The following PDZRN4 variants were observed in gnomAD, a reference collection of about 807,000 sequenced individuals.
The protein encoded by PDZRN4 is PDZ domain containing ring finger 4, also known as PDZ domain-containing RING finger protein 4.
A neutral mutation model predicts 99.0 loss-of-function variants in PDZRN4; 70 were observed. That is an observed-to-expected ratio of 0.71 (90% confidence interval 0.58 to 0.86). The LOEUF (loss-of-function observed/expected upper bound fraction) is 0.86, where lower values mean the gene tolerates loss of function less well. Among genes scored for constraint, PDZRN4 ranks in the 40% least tolerant of loss-of-function variants. The probability of loss-of-function intolerance (pLI) is 0.00; values close to 1 mark genes in which losing one functional copy is unlikely to be tolerated. For missense variants in PDZRN4, 1,474 were observed against 1,331.2 expected (o/e 1.11, Z -1.67); for synonymous variants, 551 against 501.6 (o/e 1.10, Z -1.32).
chr12:41,285,837 A>T (rs1951418747), intron 3 of PDZRN4, among the ~76,000 whole-genome samples: 1 of 149,844 alleles, frequency 6.7e-6, no homozygotes, highest in African/African-American at 2.5e-5. Flanking sequence ...AACATCACAC[A>T]GTGGGGCCTG....
chr12:41,260,077 T>G (rs1413569557), intron 3 of PDZRN4, among the ~76,000 whole-genome samples: 1 of 152,194 alleles, frequency 6.6e-6, no homozygotes, highest in African/African-American at 2.4e-5. Context: ...ATGAAAATAA[T>G]CTAATGCATT....
chr12:41,351,135 A>C (rs10880056), intron 3 of PDZRN4, among the ~76,000 whole-genome samples: 54,653 of 152,014 alleles, frequency 0.36, 9,923 homozygotes, highest in Non-Finnish European at 0.39. Flanking sequence ...TGAGTTTTAC[A>C]TACAGAAATC....
At chr12:41,215,211 T>A (rs960112757) in intron 3 of PDZRN4, among the ~76,000 whole-genome samples, 7 of 152,058 alleles carry the variant, frequency 4.6e-5, no homozygotes, top group Non-Finnish European at 1.0e-4. Flanking sequence ...ATCTTGGTAT[T>A]AAGGAATGGC....
intron 8 of PDZRN4, among the ~76,000 whole-genome samples, chr12:41,565,304 C>T (rs12299204): frequency 0.078 from 11,783 of 151,828 alleles, 474 homozygotes; most frequent in South Asian, 0.15. Flanking sequence ...CCTAAAGAAA[C>T]CTTCATGACA....
At chr12:41,537,451 T>A (rs570212062) in intron 5 of PDZRN4, among the ~76,000 whole-genome samples, 17 of 152,118 alleles carry the variant, frequency 1.1e-4, no homozygotes, top group Non-Finnish European at 2.2e-4. Context: ...TGGCATACAT[T>A]TTTTGTGAGG....
intron 3 of PDZRN4, among the ~76,000 whole-genome samples, chr12:41,246,343 A>G (rs552849822): frequency 1.1e-4 from 16 of 152,206 alleles, no homozygotes; most frequent in Non-Finnish European, 2.2e-4. Context: ...GTTGATGGAC[A>G]GTGTATTTCA....
At chr12:41,241,873 C>G (rs1488319368) in intron 3 of PDZRN4, among the ~76,000 whole-genome samples, 1 of 152,208 alleles carries the variant, frequency 6.6e-6, no homozygotes, top group Non-Finnish European at 1.5e-5. Flanking sequence ...TAAGCTAGAA[C>G]TAAGTCTGTC....
chr12:41,388,817 A>G (rs1952190548), intron 3 of PDZRN4, among the ~76,000 whole-genome samples: 1 of 152,210 alleles, frequency 6.6e-6, no homozygotes, highest in South Asian at 2.1e-4. Flanking sequence ...TATCTTTGGC[A>G]GTTACCTTCA....
In PDZRN4 at chr12:41,364,173, T is replaced by A. The variant is rs11180852; in HGVS notation, c.844-142283T>A. Among the ~76,000 whole-genome samples, 572 of 152,176 alleles carry A rather than the reference T, an allele frequency of 3.8e-3. 19 individuals carry two copies. The East Asian group carries it at 0.09, about 24-fold the overall frequency. On this transcript the variant is annotated intron_variant, in intron 3 of 9. Transcript: ENST00000402685. ...AGCTTTGTTAGTATGGAACATCCAG[T>A]GTATTGGCCAGCTAAATGAAATGTG...
chr12:41,278,836 A>T (rs998965782), intron 3 of PDZRN4, among the ~76,000 whole-genome samples: 1 of 152,164 alleles, frequency 6.6e-6, no homozygotes, highest in African/African-American at 2.4e-5. Flanking sequence ...GATTAAATGG[A>T]GGGTCTCAGT....
At chr12:41,549,374 A>G (rs1388738244) in intron 5 of PDZRN4, among the ~76,000 whole-genome samples, 1 of 152,238 alleles carries the variant, frequency 6.6e-6, no homozygotes, top group Non-Finnish European at 1.5e-5. Flanking sequence ...CAAAGTCTTT[A>G]TAAAGCCACC....
intron 3 of PDZRN4, among the ~76,000 whole-genome samples, chr12:41,255,302 C>A (rs1482280701): frequency 6.6e-6 from 1 of 152,000 alleles, no homozygotes; most frequent in African/African-American, 2.4e-5. Context: ...TCACACAAAC[C>A]AGAATATGTA....
At chr12:41,396,393 T>C (rs557581673) in intron 3 of PDZRN4, among the ~76,000 whole-genome samples, 2 of 151,640 alleles carry the variant, frequency 1.3e-5, no homozygotes, top group African/African-American at 4.9e-5. Flanking sequence ...TTTTAGCGTT[T>C]GCTATTGTTG....
chr12:41,280,770 G>GTGGA lies in PDZRN4; in HGVS notation c.843+86585_843+86588dup, dbSNP rs570506772. 2.0e-3 allele frequency among the ~76,000 whole-genome samples: 309 copies of GTGGA among 152,256 alleles called. 1 individual carries two copies. Among genetic ancestry groups the GTGGA allele is most frequent in the Non-Finnish European group, 3.5e-3 (235 of 67,998 alleles). Reference sequence around the variant, plus strand: ...TGGGACAGAGCACCAGGCAGAAGGGGTGGATGTGGGTGCAGCTTCAGCAGA... The same window carrying GTGGA: ...TGGGACAGAGCACCAGGCAGAAGGGGTGGATGGATGTGGGTGCAGCTTCAGCAGA... On this transcript the variant is annotated intron_variant, in intron 3 of 9. Coordinates refer to ENST00000402685, the MANE Select transcript of PDZRN4 (RefSeq NM_001164595.2).
intron 3 of PDZRN4, among the ~76,000 whole-genome samples, chr12:41,306,676 A>G (rs769474226): frequency 6.6e-6 from 1 of 152,166 alleles, no homozygotes; most frequent in Non-Finnish European, 1.5e-5. Flanking sequence ...CTTTTTGCTT[A>G]ACAATTTCTT....
chr12:41,469,142 A>G (rs977636125), intron 3 of PDZRN4, among the ~76,000 whole-genome samples: 9 of 152,206 alleles, frequency 5.9e-5, no homozygotes, highest in Non-Finnish European at 1.0e-4. Context: ...AATATTTCCT[A>G]TTCAGAATCG....
intron 3 of PDZRN4, among the ~76,000 whole-genome samples, chr12:41,352,536 A>G (rs1951897863): frequency 6.6e-6 from 1 of 152,122 alleles, no homozygotes; most frequent in East Asian, 1.9e-4. Context: ...AACTTCTGTT[A>G]CATGTTTTAA....
chr12:41,316,884 C>T (rs1446606280), intron 3 of PDZRN4, among the ~76,000 whole-genome samples: 2 of 151,448 alleles, frequency 1.3e-5, no homozygotes, highest in Non-Finnish European at 2.9e-5. Context: ...TTCTGTGAGT[C>T]TGTCTGTTTT....
intron 7 of PDZRN4, among the ~76,000 whole-genome samples, 158 bp from the exon 8 acceptor site, chr12:41,563,390 A>C (rs758462723): frequency 3.3e-5 from 5 of 152,130 alleles, no homozygotes; most frequent in East Asian, 1.9e-4. Flanking sequence ...GTAAGCGCGT[A>C]ATTGAGTGAA....
Sources: allele counts gnomAD v4.1 joint callset (sites outside exome capture counted in the v4.1 genomes callset), GRCh38; gene constraint gnomAD v4.1.1; transcripts MANE v1.5; gene names NCBI Gene and HGNC (gene_info 2026-07-23, HGNC 2026-07-21).